The following PRICKLE1 variants were observed in gnomAD, a reference collection of about 807,000 sequenced individuals.
PRICKLE1 encodes the protein prickle-like protein 1.
In PRICKLE1, 14 loss-of-function variants were observed where a neutral mutation model predicts 70.2. The observed-to-expected ratio is 0.20, with a 90% CI of 0.13 to 0.31. The LOEUF is 0.31. Among genes scored for constraint, PRICKLE1 ranks in the 10% least tolerant of loss-of-function variants. PRICKLE1 has a pLI of 1.00. For missense variants in PRICKLE1, 821 were observed against 1,026.2 expected (o/e 0.80, Z 2.73); for synonymous variants, 357 against 379.9 (o/e 0.94, Z 0.70).
chr12:42,570,818 T>C (rs1357915010), intron 1 of PRICKLE1, among the ~76,000 whole-genome samples: 3 of 152,300 alleles, frequency 2.0e-5, no homozygotes, highest in African/African-American at 7.2e-5. Context: ...AAACTCTGTC[T>C]CTAAATAAAT....
chr12:42,534,255 G>C (rs978058964), intron 1 of PRICKLE1, among the ~76,000 whole-genome samples: 1 of 152,158 alleles, frequency 6.6e-6, no homozygotes, highest in Non-Finnish European at 1.5e-5. Flanking sequence ...CTGAAGATGA[G>C]CCCTTAGAGA....
chr12:42,497,316 C>A (rs545603541), intron 1 of PRICKLE1, among the ~76,000 whole-genome samples: 1 of 151,992 alleles, frequency 6.6e-6, no homozygotes, highest in Non-Finnish European at 1.5e-5. Flanking sequence ...GAGGCCAGGG[C>A]GGGCGGATCA....
intron 1 of PRICKLE1, among the ~76,000 whole-genome samples, chr12:42,529,305 A>G (rs905342036): frequency 6.6e-6 from 1 of 152,222 alleles, no homozygotes; most frequent in South Asian, 2.1e-4. Flanking sequence ...CAGATGGCAA[A>G]AGTTTAAAAT....
intron 1 of PRICKLE1, among the ~76,000 whole-genome samples, chr12:42,549,221 ACCCG>A (rs1189940415): frequency 6.6e-6 from 1 of 151,676 alleles, no homozygotes; most frequent in East Asian, 1.9e-4. Flanking sequence ...ACAATTTGCT[ACCCG>A]CCCAGCGTTC....
chr12:42,541,840 T>C (rs1420740171), intron 1 of PRICKLE1, among the ~76,000 whole-genome samples: 1 of 152,144 alleles, frequency 6.6e-6, no homozygotes, highest in African/African-American at 2.4e-5. Flanking sequence ...ATAGTGAGCA[T>C]GTTCACGTTT....
intron 1 of PRICKLE1, among the ~76,000 whole-genome samples, chr12:42,530,472 C>T (rs1008246965): frequency 7.9e-5 from 12 of 151,950 alleles, no homozygotes; most frequent in African/African-American, 2.4e-4. Context: ...AACGTAAGCT[C>T]GATTTCTTGA....
At chr12:42,561,905 C>CTTT (rs60450733) in intron 1 of PRICKLE1, among the ~76,000 whole-genome samples, 2 of 87,212 alleles carry the variant, frequency 2.3e-5, no homozygotes, top group South Asian at 4.4e-4. Context: ...TTTTTCTTTT[C>CTTT]TTTTTTTTTT....
At chr12:42,489,732 T>C (rs115007645) in intron 1 of PRICKLE1, 1 of 146,246 alleles carries the variant, frequency 6.8e-6, no homozygotes, top group Non-Finnish European at 1.5e-5. Flanking sequence ...CCTGAATGCA[T>C]ACTTCCTCTC....
chr12:42,578,422 G>T (rs1329767951), intron 1 of PRICKLE1, among the ~76,000 whole-genome samples: 17 of 151,988 alleles, frequency 1.1e-4, no homozygotes, highest in Admixed American at 1.0e-3. Flanking sequence ...GGTGTATTAT[G>T]AAGAAGGAAG....
intron 1 of PRICKLE1, among the ~76,000 whole-genome samples, chr12:42,514,408 C>CTT (rs143664259): frequency 1.3e-5 from 2 of 151,634 alleles, no homozygotes; most frequent in Admixed American, 6.6e-5. Flanking sequence ...AGATCATCAT[C>CTT]TTTTTTTTTG....
At position 42,459,575 on chromosome 12, in the gene PRICKLE1, C is replaced by T. The variant is rs1937716361; in HGVS notation, c.*234G>A. 3.2e-6 allele frequency: 2 copies of T among 627,378 alleles called. No homozygotes were observed. The highest frequency in any genetic ancestry group is 5.6e-6 in the Non-Finnish European group (2 of 355,980). The allele number at this position is 627,378 out of a possible 1,614,324, so 38.9% of individuals were successfully genotyped here. On this transcript the variant is annotated 3_prime_UTR_variant, in exon 8 of 8. Transcript: ENST00000345127. ...CAGCTACGTCCATCTGTAACGCACC[C>T]GCACCGGACAGGCACGAGATGTCAC...
At chr12:42,525,669 C>T (rs930668101) in intron 1 of PRICKLE1, among the ~76,000 whole-genome samples, 5 of 151,184 alleles carry the variant, frequency 3.3e-5, no homozygotes, top group Non-Finnish European at 5.9e-5. Flanking sequence ...CAGAAGTCTT[C>T]TGTATTGATT....
At chr12:42,526,006 G>C (rs1196989317) in intron 1 of PRICKLE1, among the ~76,000 whole-genome samples, 1 of 152,170 alleles carries the variant, frequency 6.6e-6, no homozygotes, top group Non-Finnish European at 1.5e-5. Flanking sequence ...GTCTTCTGTT[G>C]AAAACAGAAT....
chr12:42,491,050 T>A (rs543777565), intron 1 of PRICKLE1, among the ~76,000 whole-genome samples: 1 of 150,980 alleles, frequency 6.6e-6, no homozygotes, highest in South Asian at 2.1e-4. Context: ...ACTTTTTCTA[T>A]CTTTAGGAAA....
At chr12:42,578,643 A>AT (rs1555241826) in intron 1 of PRICKLE1, among the ~76,000 whole-genome samples, 1 of 151,032 alleles carries the variant, frequency 6.6e-6, no homozygotes, top group Non-Finnish European at 1.5e-5. Flanking sequence ...GGGGGGAAAA[A>AT]CCCACAAAAA....
intron 1 of PRICKLE1, among the ~76,000 whole-genome samples, chr12:42,492,883 C>T (rs1472962561): frequency 6.6e-6 from 1 of 152,140 alleles, no homozygotes; most frequent in Non-Finnish European, 1.5e-5. Context: ...TGGCCTGGTA[C>T]ATTAGATACA....
At chr12:42,520,445 C>T (rs935750097) in intron 1 of PRICKLE1, among the ~76,000 whole-genome samples, 2 of 152,148 alleles carry the variant, frequency 1.3e-5, no homozygotes, top group Non-Finnish European at 2.9e-5. Context: ...ATTTCATTCT[C>T]CCTTAATCTC....
rs1335371231 is a variant in PRICKLE1 at position 42,458,880 on chromosome 12, C to G, written c.*929G>C. Reference sequence around the variant, plus strand: ...CATTTATACAGTTTACATTGCTTGACCCATAAGTAACACTTGTAAGATTAA... The same window carrying G: ...CATTTATACAGTTTACATTGCTTGAGCCATAAGTAACACTTGTAAGATTAA... On this transcript the variant is annotated 3_prime_UTR_variant, in exon 8 of 8. Coordinates refer to ENST00000345127, the MANE Select transcript of PRICKLE1 (RefSeq NM_153026.3). The G allele has an allele frequency of 6.0e-6, 1 of 167,446 alleles. No individual in the cohort carries two copies. Among genetic ancestry groups the G allele is most frequent in the African/African-American group, 2.4e-5 (1 of 41,776 alleles). 10.4% of individuals were successfully genotyped at this position (167,446 alleles called of 1,614,324 possible).
At chr12:42,492,111 A>T (rs1052213177) in intron 1 of PRICKLE1, among the ~76,000 whole-genome samples, 2 of 150,372 alleles carry the variant, frequency 1.3e-5, no homozygotes, top group Admixed American at 1.3e-4. Context: ...AAAAAAAAAA[A>T]TTTATTCAGA....
Sources: allele counts gnomAD v4.1 joint callset (sites outside exome capture counted in the v4.1 genomes callset), GRCh38; gene constraint gnomAD v4.1.1; transcripts MANE v1.5; gene names NCBI Gene and HGNC (gene_info 2026-07-23, HGNC 2026-07-21).